The following EBF1 variants were observed in gnomAD, a reference collection of about 807,000 sequenced individuals.
EBF1 encodes EBF transcription factor 1.
Under a neutral mutation model 68.4 loss-of-function variants are expected in EBF1, and 10 were observed. That is an observed-to-expected ratio of 0.15 (90% CI 0.09 to 0.25). EBF1 has a LOEUF of 0.25. Ranked by LOEUF, EBF1 falls within the 10% of genes least tolerant of loss-of-function variation. The probability of loss-of-function intolerance (pLI) is 1.00; values close to 1 mark genes in which losing one functional copy is unlikely to be tolerated. For synonymous variants in EBF1, 298 were observed against 299.8 expected (o/e 0.99, Z 0.06); for missense variants, 509 against 794.4 (o/e 0.64, Z 4.32).
At chr5:158,951,844 G>T (rs965102535) in intron 6 of EBF1, among the ~76,000 whole-genome samples, 1 of 152,198 alleles carries the variant, frequency 6.6e-6, no homozygotes, top group African/African-American at 2.4e-5. Flanking sequence ...ACAGAGACAG[G>T]ACACAGAAAG....
intron 6 of EBF1, among the ~76,000 whole-genome samples, chr5:158,851,219 A>G (rs1792579794): frequency 6.7e-6 from 1 of 149,442 alleles, no homozygotes. Context: ...TACCAAAAAT[A>G]CAAAAATTAG....
At chr5:158,727,225 A>G (rs1451552930) in intron 11 of EBF1, among the ~76,000 whole-genome samples, 1 of 152,130 alleles carries the variant, frequency 6.6e-6, no homozygotes, top group Non-Finnish European at 1.5e-5. Context: ...GCTTCCTAGG[A>G]TTCACAGCTG....
In EBF1 at chr5:158,713,282, C is replaced by T. The variant is rs116052031; in HGVS notation, c.1192-135G>A. Reference sequence around the variant, plus strand: ...TAACTTCTGTGACCCTCATGACAAACCTGTTATATTAGTCTCACCATCATC... The same window carrying T: ...TAACTTCTGTGACCCTCATGACAAATCTGTTATATTAGTCTCACCATCATC... On this transcript the variant is annotated intron_variant, in intron 12 of 15. Transcript: ENST00000313708. 4,566 of 743,570 alleles carry T rather than the reference C, an allele frequency of 6.1e-3. 31 individuals are homozygous for T. Among genetic ancestry groups the T allele is most frequent in the East Asian group, 0.023 (680 of 29,676 alleles). The allele number at this position is 743,570 out of a possible 1,614,324, so 46.1% of individuals were successfully genotyped here.
intron 6 of EBF1, among the ~76,000 whole-genome samples, chr5:158,841,845 A>G (rs1306722343): frequency 6.6e-6 from 1 of 152,214 alleles, no homozygotes; most frequent in Non-Finnish European, 1.5e-5. Context: ...TTCAACCAAA[A>G]GAGTAACATT....
At chr5:158,855,741 C>T (rs1793863271) in intron 6 of EBF1, among the ~76,000 whole-genome samples, 1 of 151,890 alleles carries the variant, frequency 6.6e-6, no homozygotes, top group South Asian at 2.1e-4. Context: ...TCTCAACTTT[C>T]TGAATTTTCT....
At chr5:158,721,282 T>C (rs1017695992) in intron 11 of EBF1, among the ~76,000 whole-genome samples, 1 of 152,136 alleles carries the variant, frequency 6.6e-6, no homozygotes, top group Non-Finnish European at 1.5e-5. Flanking sequence ...AAAAACATGG[T>C]ATAGGAGACT....
intron 6 of EBF1, among the ~76,000 whole-genome samples, chr5:158,857,976 T>C (rs1374447891): frequency 1.3e-5 from 2 of 152,350 alleles, no homozygotes; most frequent in Admixed American, 6.5e-5. Context: ...AGTTGACCCT[T>C]CGTGGGCTCA....
At chr5:158,846,906 G>A (rs535378948) in intron 6 of EBF1, among the ~76,000 whole-genome samples, 2 of 152,176 alleles carry the variant, frequency 1.3e-5, no homozygotes, top group African/African-American at 2.4e-5. Flanking sequence ...GGGGTGGGCA[G>A]AAAGGGGAGG....
At chr5:158,909,956 TAAA>T (rs59274919) in intron 6 of EBF1, among the ~76,000 whole-genome samples, 39 of 46,734 alleles carry the variant, frequency 8.3e-4, no homozygotes, top group African/African-American at 2.6e-3. Context: ...ACTCTGTCTA[TAAA>T]AAAAAAAAAA....
intron 6 of EBF1, among the ~76,000 whole-genome samples, chr5:159,026,398 G>T (rs764694633): frequency 6.6e-6 from 1 of 152,016 alleles, no homozygotes; most frequent in Non-Finnish European, 1.5e-5. Flanking sequence ...GAACATTTAA[G>T]ACTACAGGAG....
intron 12 of EBF1, 91 bp downstream of exon 12, chr5:158,714,024 TTA>T (rs1561714160): frequency 3.3e-5 from 45 of 1,346,494 alleles, no homozygotes; most frequent in Non-Finnish European, 4.0e-5. Flanking sequence ...CACATGGCTT[TTA>T]TATTGTTTGT....
intron 11 of EBF1, among the ~76,000 whole-genome samples, chr5:158,730,568 A>G (rs960174866): frequency 6.6e-6 from 1 of 152,312 alleles, no homozygotes; most frequent in East Asian, 1.9e-4. Flanking sequence ...TCTTTGCCCA[A>G]TCTCAAGATC....
At chr5:159,098,477 C>G (rs746341704) in intron 1 of EBF1, among the ~76,000 whole-genome samples, 10 of 150,040 alleles carry the variant, frequency 6.7e-5, no homozygotes, top group Non-Finnish European at 1.5e-4. Context: ...GGAAGGAGAA[C>G]GAGATAGCAG....
intron 10 of EBF1, among the ~76,000 whole-genome samples, chr5:158,760,096 C>A (rs977135548): frequency 1.3e-5 from 2 of 152,136 alleles, no homozygotes; most frequent in South Asian, 2.1e-4. Flanking sequence ...TCCTTTAAGA[C>A]TTTAGAAATT....
chr5:158,741,797 A>G (rs370079861), intron 10 of EBF1, among the ~76,000 whole-genome samples: 7 of 152,340 alleles, frequency 4.6e-5, no homozygotes, highest in South Asian at 4.1e-4. Context: ...AAGTGCCACA[A>G]TGAATTACAT....
chr5:158,864,677 G>A (rs1795558264), intron 6 of EBF1, among the ~76,000 whole-genome samples: 1 of 152,192 alleles, frequency 6.6e-6, no homozygotes. Flanking sequence ...AAGAATGGAT[G>A]GCAGATGGAA....
intron 6 of EBF1, among the ~76,000 whole-genome samples, chr5:158,874,778 A>T (rs976075684): frequency 3.3e-5 from 5 of 152,066 alleles, no homozygotes; most frequent in African/African-American, 1.2e-4. Context: ...TTAAAGGGAG[A>T]GGAGGAAAAA....
intron 6 of EBF1, among the ~76,000 whole-genome samples, chr5:158,954,899 T>C (rs1186736568): frequency 6.6e-6 from 1 of 152,196 alleles, no homozygotes; most frequent in African/African-American, 2.4e-5. Context: ...CCAAGCAAAG[T>C]GTGAGCCCTG....
At chr5:159,039,464 T>G (rs1412825057) in intron 6 of EBF1, among the ~76,000 whole-genome samples, 2 of 152,226 alleles carry the variant, frequency 1.3e-5, no homozygotes, top group Non-Finnish European at 2.9e-5. Flanking sequence ...TTTGCATGCA[T>G]TACATTTCCC....
Sources: allele counts gnomAD v4.1 joint callset (sites outside exome capture counted in the v4.1 genomes callset), GRCh38; gene constraint gnomAD v4.1.1; transcripts MANE v1.5; gene names NCBI Gene and HGNC (gene_info 2026-07-23, HGNC 2026-07-21).